The following PPP2R5C variants were observed in gnomAD, a reference collection of about 807,000 sequenced individuals.
The protein encoded by PPP2R5C is serine/threonine-protein phosphatase 2A 56 kDa regulatory subunit gamma isoform.
A neutral mutation model predicts 68.9 loss-of-function variants in PPP2R5C; 7 were observed. The observed-to-expected ratio is 0.10, with a 90% confidence interval of 0.06 to 0.19. PPP2R5C has a LOEUF of 0.19. Among genes scored for constraint, PPP2R5C ranks in the 10% least tolerant of loss-of-function variants. PPP2R5C has a pLI of 1.00. For synonymous variants in PPP2R5C, 210 were observed against 222.2 expected (o/e 0.95, Z 0.49); for missense variants, 348 against 641.3 (o/e 0.54, Z 4.94).
chr14:101,796,330 G>A (rs1046247083), intron 3 of PPP2R5C, among the ~76,000 whole-genome samples: 1 of 152,162 alleles, frequency 6.6e-6, no homozygotes, highest in Non-Finnish European at 1.5e-5. Flanking sequence ...GCTTTCATTA[G>A]TCTTTTCTTC....
chr14:101,814,647 A>G (rs915335742), intron 1 of PPP2R5C, among the ~76,000 whole-genome samples: 18 of 152,210 alleles, frequency 1.2e-4, no homozygotes, highest in Non-Finnish European at 2.5e-4. Context: ...TCATTAAAGT[A>G]TGTTGTGTAG....
At chr14:101,854,424 G>A (rs1376360698) in intron 1 of PPP2R5C, among the ~76,000 whole-genome samples, 6 of 152,194 alleles carry the variant, frequency 3.9e-5, no homozygotes, top group Non-Finnish European at 1.5e-5. Context: ...GCATCTAGTT[G>A]GGAGTAAGAG....
At chr14:101,844,170 C>A (rs1382614376) in intron 1 of PPP2R5C, 2 of 147,338 alleles carry the variant, frequency 1.4e-5, no homozygotes, top group African/African-American at 5.2e-5. Flanking sequence ...AGTTGATGGC[C>A]AGGTGAGGTG....
At chr14:101,770,607 A>G (rs183950450) in intron 2 of PPP2R5C, among the ~76,000 whole-genome samples, 108 of 152,356 alleles carry the variant, frequency 7.1e-4, no homozygotes, top group Non-Finnish European at 1.2e-3. Flanking sequence ...GGTGTGTATC[A>G]TGGTTAAAGC....
At chr14:101,848,266 C>A (rs1430259082) in intron 1 of PPP2R5C, among the ~76,000 whole-genome samples, 2 of 152,022 alleles carry the variant, frequency 1.3e-5, no homozygotes, top group African/African-American at 4.8e-5. Flanking sequence ...GGCGTGGTGG[C>A]TTATACCTGT....
At chr14:101,803,595 G>A (rs561183304) in intron 3 of PPP2R5C, among the ~76,000 whole-genome samples, 1 of 152,074 alleles carries the variant, frequency 6.6e-6, no homozygotes, top group Non-Finnish European at 1.5e-5. Flanking sequence ...GTGGTGGCGG[G>A]CACCTGTAGT....
rs1227689808 is a variant in PPP2R5C at position 101,781,932 on chromosome 14, G to A, written c.94-4086G>A. ...ACCCGCTCCCGCTCCCACCTCGTCT[G>A]CGCCCACCCGCTCTGGGCAGCTGCT... is the stretch of plus-strand genomic sequence containing the variant. On this transcript the variant is annotated intron_variant, in intron 2 of 14. Coordinates refer to the PPP2R5C transcript ENST00000328724. The surrounding 1 kb of genome is among the most constrained non-coding windows in gnomAD (Gnocchi z 6.4). 1.3e-5 allele frequency among the ~76,000 whole-genome samples: 2 copies of A among 151,730 alleles called. No individual in the cohort carries two copies. Among genetic ancestry groups the A allele is most frequent in the Admixed American group, 6.6e-5 (1 of 15,234 alleles).
At chr14:101,884,110 T>G (rs560439767) in intron 5 of PPP2R5C, among the ~76,000 whole-genome samples, 1 of 152,290 alleles carries the variant, frequency 6.6e-6, no homozygotes, top group East Asian at 1.9e-4. Context: ...ACCACTGGTG[T>G]AGGTCCAAGA....
In PPP2R5C at chr14:101,915,188, G is replaced by A. The variant is rs116395802; in HGVS notation, c.1327-2643G>A. Among the ~76,000 whole-genome samples, 2,578 of 152,162 alleles carry A rather than the reference G, an allele frequency of 0.017. 45 individuals are homozygous for A. Among genetic ancestry groups the A allele is most frequent in the African/African-American group, 0.037 (1,526 of 41,508 alleles). On this transcript the variant is annotated intron_variant, in intron 12 of 13. Coordinates refer to ENST00000334743, the Ensembl canonical transcript of PPP2R5C. The surrounding 1 kb of genome is among the most constrained non-coding windows in gnomAD (Gnocchi z 4.2). The stretch of plus-strand genomic sequence containing the variant: ...GCCTCCCAGGTTCAAGCAGTCCTCC[G>A]GAGTGCCTCAGCCTCCCAAGTATGC...
At chr14:101,802,733 G>A (rs773506281) in intron 3 of PPP2R5C, among the ~76,000 whole-genome samples, 9 of 152,086 alleles carry the variant, frequency 5.9e-5, no homozygotes, top group Non-Finnish European at 1.0e-4. Context: ...TAACTGATAA[G>A]GAGTTAATAT....
In PPP2R5C at chr14:101,916,861, TC is replaced by T. The variant is rs1322174394; in HGVS notation, c.1327-966del. On this transcript the variant is annotated intron_variant, in intron 12 of 13. Transcript: ENST00000334743. This position sits in a 1 kb window ranked among gnomAD's most constrained non-coding sequence, Gnocchi z 5.5. ...GAGCAGCCTGGGCAGGAACCCCCGC[TC>T]CCCTCTCCTGAACTCAGAGGCCCTG... Among the ~76,000 whole-genome samples, 1 of 151,842 alleles carries T rather than the reference TC, an allele frequency of 6.6e-6. No individual in the cohort carries two copies. The highest frequency in any genetic ancestry group is 1.5e-5 in the Non-Finnish European group (1 of 67,926).
chr14:101,896,341 C>G (rs2045324344), intron 8 of PPP2R5C, among the ~76,000 whole-genome samples: 1 of 151,976 alleles, frequency 6.6e-6, no homozygotes, highest in Admixed American at 6.6e-5. Context: ...TTATAGCCAT[C>G]CTAGTGGTGT....
At chr14:101,918,859 G>A (rs1234808634) in intron 13 of PPP2R5C, among the ~76,000 whole-genome samples, 6 of 150,578 alleles carry the variant, frequency 4.0e-5, no homozygotes, top group Non-Finnish European at 8.9e-5. Flanking sequence ...AACTAAAACA[G>A]TAGTCCCAAA....
chr14:101,888,974 G>A lies in PPP2R5C; in HGVS notation c.630-1263G>A, dbSNP rs745647906. Reference sequence around the variant, plus strand: ...CTCCACGGCACAGACCTTTGTTCCAGCCAAACGAGTTCTTCTCCCTCTCCA... The same window carrying A: ...CTCCACGGCACAGACCTTTGTTCCAACCAAACGAGTTCTTCTCCCTCTCCA... On this transcript the variant is annotated intron_variant, in intron 5 of 13. Coordinates refer to ENST00000334743, the Ensembl canonical transcript of PPP2R5C. This position sits in a 1 kb window ranked among gnomAD's most constrained non-coding sequence, Gnocchi z 5.6. Among the ~76,000 whole-genome samples the A allele has an allele frequency of 1.3e-5, 2 of 151,676 alleles. No homozygotes were observed. Among genetic ancestry groups the A allele is most frequent in the Non-Finnish European group, 2.9e-5 (2 of 67,962 alleles).
rs1595092638 is a variant in PPP2R5C at position 101,761,923 on chromosome 14, G to C, written c.27+3G>C. On this transcript the variant is annotated splice_donor_region_variant and intron_variant, in intron 1 of 14. Coordinates refer to the PPP2R5C transcript ENST00000328724. ...CGAATAAAAACAAGAAGGAGAAAGTGAGTCCGGGCCCGGCCGCGGGACGGA... is the reference window on the plus strand; with the variant it reads ...CGAATAAAAACAAGAAGGAGAAAGTCAGTCCGGGCCCGGCCGCGGGACGGA... The C allele has an allele frequency of 8.4e-7, 1 of 1,193,338 alleles. No homozygotes were observed. 73.9% of individuals were successfully genotyped at this position (1,193,338 alleles called of 1,614,324 possible). A position where few individuals can be genotyped will look rare whatever the true frequency, so the allele number is the denominator to read the frequency against.
At chr14:101,876,968 A>G (rs1305395586) in intron 2 of PPP2R5C, among the ~76,000 whole-genome samples, 3 of 45,692 alleles carry the variant, frequency 6.6e-5, no homozygotes, top group African/African-American at 2.7e-4. Context: ...TTTTTTTTTG[A>G]GATGGAGTCT....
At chr14:101,867,130 T>C (rs1286257613) in intron 2 of PPP2R5C, among the ~76,000 whole-genome samples, 1 of 151,624 alleles carries the variant, frequency 6.6e-6, no homozygotes, top group African/African-American at 2.4e-5. Context: ...GGCAAGAGAA[T>C]TGCTTGAACC....
chr14:101,923,915 C>G (rs763070517), intron 13 of PPP2R5C, among the ~76,000 whole-genome samples: 1 of 116,560 alleles, frequency 8.6e-6, no homozygotes, highest in Non-Finnish European at 1.8e-5. Flanking sequence ...GGCGTTTTTA[C>G]GCTTACGTTC....
chr14:101,783,808 A>C (rs1236686730), intron 2 of PPP2R5C, among the ~76,000 whole-genome samples: 1 of 152,130 alleles, frequency 6.6e-6, no homozygotes, highest in Non-Finnish European at 1.5e-5. Context: ...TAAAAAGGAG[A>C]TGGAGAACAT....
Sources: allele counts gnomAD v4.1 joint callset (sites outside exome capture counted in the v4.1 genomes callset), GRCh38; gene constraint gnomAD v4.1.1; non-coding constraint Gnocchi (gnomAD v3.1); transcripts MANE v1.5; gene names NCBI Gene and HGNC (gene_info 2026-07-23, HGNC 2026-07-21).